The following TFG variants were observed in gnomAD, a reference collection of about 807,000 sequenced individuals.
TFG encodes the protein trafficking from ER to golgi regulator, also known as protein TFG.
A neutral mutation model predicts 51.4 loss-of-function variants in TFG; 22 were observed. The observed-to-expected ratio is 0.43, with a 90% CI of 0.31 to 0.61. The LOEUF (loss-of-function observed/expected upper bound fraction) is 0.61. Among genes scored for constraint, TFG ranks in the 20% least tolerant of loss-of-function variants. The pLI is 0.12. For synonymous variants in TFG, 187 were observed against 165.6 expected, an observed-to-expected ratio of 1.13 and a Z score of -0.99; for missense variants, 419 against 487.7, an observed-to-expected ratio of 0.86 and a Z score of 1.33.
At chr3:100,736,533 G>A (rs1329752981) in intron 5 of TFG, 43 bp from the exon 6 acceptor site, 1 of 1,600,912 alleles carries the variant, frequency 6.2e-7, no homozygotes, top group Non-Finnish European at 8.5e-7. Flanking sequence ...CTGGGGGAAG[G>A]CCTTGTGTTG....
chr3:100,728,830 A>G lies in TFG; in HGVS notation c.387A>G (p.Pro129=), dbSNP rs1483931165. 1.2e-6 allele frequency: 2 copies of G among 1,607,772 alleles called. No homozygotes were observed. The highest frequency in any genetic ancestry group is 1.1e-5 in the South Asian group (1 of 90,116). The change falls in exon 4 of 8, where the codon CCA becomes CCG. Residue 129 remains proline (P), a synonymous_variant. Coordinates refer to ENST00000240851, the MANE Select transcript of TFG (RefSeq NM_006070.6). ...ATAGCTTGGAACCACCTGGAGAACC[A>G]GGACCTTCCACCAATATTCCTGAAA... The part of the protein sequence containing the change: ...LLDSLEPPGE[P]GPSTNIPEND...
intron 1 of TFG, among the ~76,000 whole-genome samples, chr3:100,710,673 T>G (rs1379419983): frequency 6.6e-6 from 1 of 152,168 alleles, no homozygotes; most frequent in African/African-American, 2.4e-5. Flanking sequence ...CTTGGGCGTG[T>G]CAGATTATTC....
At position 100,732,623 on chromosome 3, in the gene TFG, C is replaced by T. The variant is rs766735962; in HGVS notation, c.531C>T (p.Ile177=). 2 of 1,611,850 alleles carry T rather than the reference C, an allele frequency of 1.2e-6. No individual in the cohort carries two copies. Among genetic ancestry groups the T allele is most frequent in the Non-Finnish European group, 1.7e-6 (2 of 1,179,002 alleles). Residue 177 remains isoleucine, a synonymous_variant, in exon 5 of 8, where the codon ATC becomes ATT. Coordinates refer to ENST00000240851, the MANE Select transcript of TFG (RefSeq NM_006070.6). ...ATCCTTTAAAAAACCAAGATGAAAT[C>T]AATAAAAATGTTATGTCAGCGTTTG... The part of the protein sequence containing the change: ...AFDPLKNQDE[I]NKNVMSAFGL...
At chr3:100,746,753 T>TA (rs66999419) in intron 7 of TFG, among the ~76,000 whole-genome samples, 28 of 151,160 alleles carry the variant, frequency 1.9e-4, no homozygotes, top group East Asian at 7.8e-4. Flanking sequence ...CAGGCCCAGT[T>TA]AAAAAAAAAC....
chr3:100,738,547 C>T (rs898553620), intron 6 of TFG, among the ~76,000 whole-genome samples: 7 of 152,078 alleles, frequency 4.6e-5, no homozygotes, highest in East Asian at 1.9e-4. Context: ...TTTAAAAATG[C>T]GAAAGGACAT....
At chr3:100,714,499 C>CAA (rs1173181829) in intron 2 of TFG, among the ~76,000 whole-genome samples, 9 of 129,568 alleles carry the variant, frequency 6.9e-5, no homozygotes, top group Non-Finnish European at 1.3e-4. Context: ...GACTCCGTCT[C>CAA]AAAAAAAAAA....
chr3:100,720,046 CTGACAT>C lies in TFG; in HGVS notation c.258_263del (p.Thr87_Leu88del). The C allele has an allele frequency of 6.4e-7, 1 of 1,557,116 alleles. No homozygotes were observed. Among genetic ancestry groups the C allele is most frequent in the Non-Finnish European group, 8.7e-7 (1 of 1,151,496 alleles). On this transcript the variant is annotated inframe_deletion, in exon 3 of 8. Transcript: ENST00000240851. ...AATTCAGTGCAGTAGGATACTGAAA[CTGACAT>C]TATTTGGTGAGTAGTAAACTTTCTA...
chr3:100,715,004 G>T (rs1413167018), intron 2 of TFG, among the ~76,000 whole-genome samples: 1 of 152,080 alleles, frequency 6.6e-6, no homozygotes, highest in Non-Finnish European at 1.5e-5. Context: ...TTTTACTGTG[G>T]AACTTACTTG....
At chr3:100,738,867 T>G (rs922166842) in intron 6 of TFG, among the ~76,000 whole-genome samples, 4 of 152,192 alleles carry the variant, frequency 2.6e-5, no homozygotes, top group African/African-American at 9.7e-5. Flanking sequence ...AAAATTAATT[T>G]TATTTAGCCT....
At chr3:100,746,092 AC>A (rs2095134121) in intron 7 of TFG, among the ~76,000 whole-genome samples, 1 of 152,236 alleles carries the variant, frequency 6.6e-6, no homozygotes, top group Non-Finnish European at 1.5e-5. Flanking sequence ...AATACATAGA[AC>A]TTAAGTTTGG....
At chr3:100,712,984 A>G (rs1407922630) in intron 1 of TFG, among the ~76,000 whole-genome samples, 1 of 152,222 alleles carries the variant, frequency 6.6e-6, no homozygotes, top group Non-Finnish European at 1.5e-5. Flanking sequence ...TGGAGGCCAG[A>G]TGATTTTATA....
intron 3 of TFG, among the ~76,000 whole-genome samples, chr3:100,723,103 T>G (rs2095065296): frequency 6.6e-6 from 1 of 152,154 alleles, no homozygotes; most frequent in Admixed American, 6.5e-5. Context: ...TGTTACAAAA[T>G]TAATAGTCTT....
intron 2 of TFG, among the ~76,000 whole-genome samples, chr3:100,715,685 C>A (rs2095043810): frequency 6.6e-6 from 1 of 151,918 alleles, no homozygotes; most frequent in Non-Finnish European, 1.5e-5. Context: ...TTGATTTGCA[C>A]CTCTGTGACT....
In TFG at chr3:100,742,178, G is replaced by A. The variant is rs567707459; in HGVS notation, c.722-2655G>A. Among the ~76,000 whole-genome samples the A allele has an allele frequency of 2.4e-3, 370 of 152,086 alleles. 3 individuals are homozygous for A. Among genetic ancestry groups the A allele is most frequent in the African/African-American group, 8.5e-3 (351 of 41,484 alleles). Reference sequence around the variant, plus strand: ...CAGAATACTGTGACAGTCCCATTTGGACTTGAATGAGGTGGGTTTAAAGTA... The same window carrying A: ...CAGAATACTGTGACAGTCCCATTTGAACTTGAATGAGGTGGGTTTAAAGTA... On this transcript the variant is annotated intron_variant, in intron 6 of 7. Transcript: ENST00000240851.
At chr3:100,719,769 C>T (rs941522968) in intron 2 of TFG, among the ~76,000 whole-genome samples, 1 of 152,024 alleles carries the variant, frequency 6.6e-6, no homozygotes, top group Non-Finnish European at 1.5e-5. Context: ...AATACCTTGC[C>T]ATAAGAGTAA....
intron 7 of TFG, among the ~76,000 whole-genome samples, chr3:100,745,561 A>G (rs2095132646): frequency 8.5e-5 from 13 of 152,190 alleles, no homozygotes; most frequent in Admixed American, 8.5e-4. Flanking sequence ...AGTATGATAA[A>G]TATTATTAAT....
chr3:100,723,120 TAAA>T (rs1204692069), intron 3 of TFG, among the ~76,000 whole-genome samples: 1 of 152,080 alleles, frequency 6.6e-6, no homozygotes, highest in Admixed American at 6.6e-5. Context: ...TCTTAGGGAA[TAAA>T]AACAATTTGG....
chr3:100,718,800 C>T (rs1321596275), intron 2 of TFG, among the ~76,000 whole-genome samples: 1 of 151,922 alleles, frequency 6.6e-6, no homozygotes, highest in East Asian at 1.9e-4. Context: ...TCAGGTGATC[C>T]GCCCACCTCA....
At chr3:100,727,753 TTA>T in intron 3 of TFG, among the ~76,000 whole-genome samples, 1 of 152,338 alleles carries the variant, frequency 6.6e-6, no homozygotes, top group Admixed American at 6.5e-5. Flanking sequence ...ATTTTGTGGC[TTA>T]TATACTGTTT....
Sources: allele counts gnomAD v4.1 joint callset (sites outside exome capture counted in the v4.1 genomes callset), GRCh38; gene constraint gnomAD v4.1.1; transcripts MANE v1.5; gene names NCBI Gene and HGNC (gene_info 2026-07-23, HGNC 2026-07-21).